The following PECR variants were observed in gnomAD, a reference collection of about 807,000 sequenced individuals.
The protein encoded by PECR is 2,4-dienoyl-CoA reductase-related protein.
A neutral mutation model predicts 35.3 loss-of-function variants in PECR; 30 were observed. The ratio of observed to expected loss-of-function variants is 0.85; its 90% CI spans 0.64 to 1.15. PECR has a LOEUF of 1.15. PECR is among the 50% of genes most tolerant of loss of function. The probability of loss-of-function intolerance (pLI) is 0.00; values close to 1 mark genes in which losing one functional copy is unlikely to be tolerated. For synonymous variants in PECR, 148 were observed against 138.9 expected (o/e 1.07, Z -0.46); for missense variants, 392 against 370.8 (o/e 1.06, Z -0.47).
At chr2:216,042,988 TATACATAC>T (rs1694916817) in intron 7 of PECR, among the ~76,000 whole-genome samples, 1 of 134,922 alleles carries the variant, frequency 7.4e-6, no homozygotes, top group Non-Finnish European at 1.6e-5. Flanking sequence ...TGTATATATA[TATACATAC>T]GTATATGTGT....
At chr2:216,050,213 C>T (rs775216431) in intron 5 of PECR, among the ~76,000 whole-genome samples, 2 of 152,010 alleles carry the variant, frequency 1.3e-5, no homozygotes, top group African/African-American at 4.8e-5. Flanking sequence ...CACAGCAAGA[C>T]CTTGTCTCAA....
In PECR at chr2:216,073,645, A is replaced by G. The variant is rs181542386; in HGVS notation, c.125-7127T>C. Reference sequence around the variant, plus strand: ...TATTATATCTTTTGTATGTTTTTATATAATTTTATAATAAAAATACCATAT... The same window carrying G: ...TATTATATCTTTTGTATGTTTTTATGTAATTTTATAATAAAAATACCATAT... On this transcript the variant is annotated intron_variant, in intron 1 of 7. Transcript: ENST00000265322. Among the ~76,000 whole-genome samples, 17 of 151,918 alleles carry G rather than the reference A, an allele frequency of 1.1e-4. No homozygotes were observed. In the East Asian group the frequency reaches 1.9e-3, roughly 17 times the overall value.
intron 7 of PECR, among the ~76,000 whole-genome samples, chr2:216,042,327 T>G (rs550694251): frequency 6.6e-6 from 1 of 152,300 alleles, no homozygotes; most frequent in African/African-American, 2.4e-5. Context: ...AAAACCAGTT[T>G]GAGTTTTTGC....
At chr2:216,032,395 T>C (rs373329166) in intron 7 of PECR, among the ~76,000 whole-genome samples, 32 of 152,210 alleles carry the variant, frequency 2.1e-4, no homozygotes, top group African/African-American at 7.7e-4. Flanking sequence ...TGAACTCAGG[T>C]ACAACAATGC....
intron 6 of PECR, among the ~76,000 whole-genome samples, chr2:216,046,331 G>A (rs1308376578): frequency 1.3e-3 from 38 of 29,310 alleles, no homozygotes; most frequent in African/African-American, 5.1e-3. Flanking sequence ...TTTTTTTTTT[G>A]AGAAGGCGTC....
intron 7 of PECR, among the ~76,000 whole-genome samples, chr2:216,040,843 C>T (rs1574674463): frequency 1.3e-5 from 2 of 152,160 alleles, no homozygotes; most frequent in South Asian, 2.1e-4. Flanking sequence ...TGCACTCCAG[C>T]CTGGGCAACA....
chr2:216,081,054 TA>T (rs1223034063), intron 1 of PECR, among the ~76,000 whole-genome samples: 8 of 152,226 alleles, frequency 5.3e-5, no homozygotes, highest in African/African-American at 1.7e-4. Flanking sequence ...AAACTTTATA[TA>T]TTTTTTTAAT....
chr2:216,074,631 T>TA (rs1695660143), intron 1 of PECR, among the ~76,000 whole-genome samples: 1 of 152,068 alleles, frequency 6.6e-6, no homozygotes, highest in African/African-American at 2.4e-5. Flanking sequence ...GAGTAAAAAA[T>TA]ATGTTGAGAA....
At chr2:216,071,868 C>T (rs780204217) in intron 1 of PECR, among the ~76,000 whole-genome samples, 5 of 152,132 alleles carry the variant, frequency 3.3e-5, no homozygotes, top group African/African-American at 4.8e-5. Flanking sequence ...CTGAAAGTCC[C>T]GTTTGGGTGC....
intron 7 of PECR, among the ~76,000 whole-genome samples, chr2:216,040,643 C>T (rs1402242455): frequency 2.0e-5 from 3 of 152,106 alleles, no homozygotes; most frequent in Non-Finnish European, 4.4e-5. Context: ...CCGAGGCAGG[C>T]GGATCACCTG....
intron 1 of PECR, among the ~76,000 whole-genome samples, chr2:216,070,498 G>C (rs1009547211): frequency 1.3e-5 from 2 of 152,202 alleles, no homozygotes; most frequent in African/African-American, 4.8e-5. Context: ...CTCTGTGGCA[G>C]ACTGCCATGG....
intron 5 of PECR, among the ~76,000 whole-genome samples, chr2:216,049,732 T>C (rs1695067414): frequency 6.6e-6 from 1 of 152,204 alleles, no homozygotes; most frequent in South Asian, 2.1e-4. Flanking sequence ...TTGGCTTCTC[T>C]GCTTTACAAG....
At chr2:216,036,433 A>G (rs12694382), downstream of PECR, among the ~76,000 whole-genome samples, 77,549 of 152,086 alleles carry the variant, frequency 0.51, 20,107 homozygotes, top group African/African-American at 0.59. Flanking sequence ...GCCAGGGGAC[A>G]TAAGGTCCCA....
intron 1 of PECR, among the ~76,000 whole-genome samples, chr2:216,072,193 G>C (rs1695603333): frequency 6.6e-6 from 1 of 152,076 alleles, no homozygotes; most frequent in African/African-American, 2.4e-5. Flanking sequence ...TTAACAGTCT[G>C]CTCCACTCAC....
intron 4 of PECR, among the ~76,000 whole-genome samples, chr2:216,054,642 ACTT>A (rs993553520): frequency 1.1e-4 from 16 of 151,942 alleles, no homozygotes; most frequent in African/African-American, 3.9e-4. Flanking sequence ...AGCCCCACTG[ACTT>A]CTTTTCTGAA....
chr2:216,061,129 CAAAAAAAAAAAAAA>C (rs151215904), intron 3 of PECR, among the ~76,000 whole-genome samples: 3 of 52,390 alleles, frequency 5.7e-5, no homozygotes, highest in South Asian at 7.1e-4. Context: ...CCGGCTCTAC[CAAAAAAAAAAAAAA>C]AAAAAAAAAA....
At chr2:216,079,183 T>C (rs1472253931) in intron 1 of PECR, among the ~76,000 whole-genome samples, 1 of 139,544 alleles carries the variant, frequency 7.2e-6, no homozygotes, top group Non-Finnish European at 1.5e-5. Context: ...AAAACATAGA[T>C]TTTTTTTTTT....
chr2:216,065,581 G>C, intron 2 of PECR, 104 bp from the exon 3 acceptor site: 1 of 742,894 alleles, frequency 1.3e-6, no homozygotes, highest in South Asian at 1.4e-5. Context: ...CTCTCACAGT[G>C]AACAGTCACT....
downstream of PECR, chr2:216,033,874 T>C (rs1694750507): frequency 6.6e-6 from 1 of 152,108 alleles, no homozygotes; most frequent in South Asian, 2.1e-4. Flanking sequence ...TCAGAAATAG[T>C]GTTGTCCAGG....
Sources: gnomAD v4.1 joint callset for allele counts (sites outside exome capture counted in the v4.1 genomes callset) on GRCh38, gnomAD v4.1.1 for gene constraint, MANE v1.5 for transcripts, NCBI Gene and HGNC (gene_info 2026-07-23, HGNC 2026-07-21) for gene names.